DISP1: variants seen among roughly 807,000 people sequenced by gnomAD.
DISP1 encodes protein dispatched homolog 1.
In DISP1, 30 loss-of-function variants were observed where a neutral mutation model predicts 37.3. The ratio of observed to expected loss-of-function variants is 0.80; its 90% CI spans 0.60 to 1.09. The LOEUF is 1.09. Among genes scored for constraint, DISP1 ranks in the 50% least tolerant of loss-of-function variants. The probability of loss-of-function intolerance (pLI) is 0.00; values close to 1 mark genes in which losing one functional copy is unlikely to be tolerated. For synonymous variants in DISP1, 634 were observed against 690.2 expected, an observed-to-expected ratio of 0.92 and a Z score of 1.28; for missense variants, 1,598 against 1,879.5, an observed-to-expected ratio of 0.85 and a Z score of 2.77.
intron 1 of DISP1, chr1:222,837,186 T>C (rs913348640): frequency 1.0e-5 from 4 of 395,574 alleles, no homozygotes; most frequent in African/African-American, 8.3e-5. Context: ...GATGCCCTCT[T>C]TTCTTTTTTC....
chr1:222,940,322 G>A (rs1016018912), intron 2 of DISP1, among the ~76,000 whole-genome samples: 8 of 151,984 alleles, frequency 5.3e-5, no homozygotes, highest in Non-Finnish European at 8.8e-5. Flanking sequence ...AAAGTTGGCC[G>A]GGGACATGTG....
At chr1:222,995,571 A>G (rs941926322) in intron 8 of DISP1, among the ~76,000 whole-genome samples, 2 of 152,248 alleles carry the variant, frequency 1.3e-5, no homozygotes, top group Non-Finnish European at 2.9e-5. Context: ...GGATGCAAGA[A>G]GACAGGCGCT....
Position 223,004,464 on chromosome 1 carries a change from A to G in DISP1, c.3067A>G (p.Thr1023Ala). Residue 1023 changes from threonine to alanine, a missense_variant, in exon 9 of 9, where the codon ACT becomes GCT. By Grantham distance (58) the Thr-to-Ala change is moderately conservative. Coordinates refer to ENST00000675850, the MANE Select transcript of DISP1 (RefSeq NM_001377229.1). The surrounding 1 kb of genome is among the most constrained non-coding windows in gnomAD (Gnocchi z 4.9). ...IISIAGTIFVTVGSLVLLGWE... is the reference protein window; with the variant it reads ...IISIAGTIFVAVGSLVLLGWE... ...TTCAATTGCTGGAACGATATTTGTC[A>G]CTGTTGGTTCTCTTGTCCTGCTGGG... 6.2e-7 allele frequency: 1 copy of G among 1,614,116 alleles called. No individual in the cohort carries two copies. The highest frequency in any genetic ancestry group is 8.5e-7 in the Non-Finnish European group (1 of 1,180,030).
chr1:222,989,338 G>T (rs1553255240), intron 4 of DISP1: 1 of 982,670 alleles, frequency 1.0e-6, no homozygotes, highest in Non-Finnish European at 1.2e-6. Context: ...ATTTTGTCTT[G>T]CTTTTCTTCT....
chr1:222,933,304 T>C (rs1318762471), intron 2 of DISP1, among the ~76,000 whole-genome samples: 3 of 151,952 alleles, frequency 2.0e-5, no homozygotes, highest in African/African-American at 7.2e-5. Flanking sequence ...TATCCATATA[T>C]CTTAGTTCCT....
intron 1 of DISP1, among the ~76,000 whole-genome samples, chr1:222,913,597 A>G (rs17163557): frequency 0.16 from 23,732 of 152,100 alleles, 1,951 homozygotes; most frequent in East Asian, 0.3. Flanking sequence ...AGGTACTAGC[A>G]CTAAACATTC....
At chr1:222,902,530 G>C (rs1558320086) in intron 1 of DISP1, among the ~76,000 whole-genome samples, 1 of 151,892 alleles carries the variant, frequency 6.6e-6, no homozygotes, top group Non-Finnish European at 1.5e-5. Context: ...CTACAAAATG[G>C]GAGAAAATTT....
intron 1 of DISP1, chr1:222,899,724 G>A (rs34774807): frequency 0.12 from 17,885 of 152,184 alleles, 1,392 homozygotes; most frequent in Non-Finnish European, 0.16. Flanking sequence ...GATTACAGTC[G>A]TGAGCTACCA....
chr1:222,817,717 G>A (rs1661601867), intron 1 of DISP1, among the ~76,000 whole-genome samples: 1 of 152,164 alleles, frequency 6.6e-6, no homozygotes, highest in South Asian at 2.1e-4. Context: ...TGGTGAGTTA[G>A]ACCTTTTCTC....
rs745411342 is a variant in DISP1, at chr1:223,004,514, T to C, written c.3117T>C (p.Ser1039=). The C allele has an allele frequency of 2.5e-6, 4 of 1,614,250 alleles. No homozygotes were observed. Among genetic ancestry groups the C allele is most frequent in the East Asian group, 4.5e-5 (2 of 44,888 alleles). The change falls in exon 9 of 9, where the codon TCT becomes TCC. Residue 1039 remains serine (S), a synonymous_variant. Transcript: ENST00000675850. The surrounding 1 kb of genome is among the most constrained non-coding windows in gnomAD (Gnocchi z 4.9). ...GCTGGGAGCTCAATGTGTTGGAATCTGTCACCATTTCGGTTGCCGTCGGCT... is the reference window on the plus strand; with the variant it reads ...GCTGGGAGCTCAATGTGTTGGAATCCGTCACCATTTCGGTTGCCGTCGGCT... ...LLGWELNVLE[S]VTISVAVGLS... is the part of the protein sequence containing the mutation.
intron 1 of DISP1, among the ~76,000 whole-genome samples, chr1:222,883,017 T>G (rs1225488083): frequency 6.6e-6 from 1 of 152,174 alleles, no homozygotes; most frequent in East Asian, 1.9e-4. Flanking sequence ...ACTTATGAGA[T>G]AGTACTAGTC....
intron 3 of DISP1, among the ~76,000 whole-genome samples, chr1:222,948,026 C>T (rs1301982760): frequency 6.6e-6 from 1 of 152,156 alleles, no homozygotes; most frequent in Non-Finnish European, 1.5e-5. Context: ...AGAATCACAA[C>T]TGATTTTCAG....
intron 1 of DISP1, among the ~76,000 whole-genome samples, chr1:222,871,553 A>G (rs1230783191): frequency 2.0e-5 from 3 of 152,186 alleles, no homozygotes; most frequent in South Asian, 2.1e-4. Flanking sequence ...CTTTGAAGCA[A>G]TTGTGAATGG....
At chr1:222,851,455 T>C (rs894360389) in intron 1 of DISP1, among the ~76,000 whole-genome samples, 2 of 152,184 alleles carry the variant, frequency 1.3e-5, no homozygotes, top group Non-Finnish European at 2.9e-5. Context: ...AACCATTGCT[T>C]GATAGGATGT....
chr1:222,850,421 A>AG (rs1305347990), intron 1 of DISP1, among the ~76,000 whole-genome samples: 5 of 142,164 alleles, frequency 3.5e-5, no homozygotes, highest in Non-Finnish European at 6.4e-5. Flanking sequence ...CAACTGCTAC[A>AG]CTTTTTTTTT....
At chr1:222,907,370 C>T (rs987245888) in intron 1 of DISP1, among the ~76,000 whole-genome samples, 1 of 152,110 alleles carries the variant, frequency 6.6e-6, no homozygotes, top group East Asian at 1.9e-4. Context: ...AAAGTGTGGT[C>T]CCACACTTAG....
intron 1 of DISP1, among the ~76,000 whole-genome samples, chr1:222,887,780 G>C (rs1233006835): frequency 1.6e-5 from 1 of 63,074 alleles, no homozygotes; most frequent in Non-Finnish European, 4.0e-5. Flanking sequence ...TTACAGGCGT[G>C]AGCCACCGCG....
intron 3 of DISP1, among the ~76,000 whole-genome samples, chr1:222,953,072 G>T (rs1032311501): frequency 6.6e-6 from 1 of 152,176 alleles, no homozygotes; most frequent in African/African-American, 2.4e-5. Flanking sequence ...ATGTAAAAAT[G>T]CAGTTTTTCT....
chr1:222,841,150 ATACC>A (rs1394399881), intron 1 of DISP1, among the ~76,000 whole-genome samples: 3 of 152,190 alleles, frequency 2.0e-5, no homozygotes, highest in African/African-American at 7.2e-5. Context: ...AGTGTAGTAC[ATACC>A]TTTTTCATCT....
Sources: allele counts gnomAD v4.1 joint callset (sites outside exome capture counted in the v4.1 genomes callset), GRCh38; gene constraint gnomAD v4.1.1; non-coding constraint Gnocchi (gnomAD v3.1); transcripts MANE v1.5; gene names NCBI Gene and HGNC (gene_info 2026-07-23, HGNC 2026-07-21).